The following PGBD1 variants were observed in gnomAD, a reference collection of about 807,000 sequenced individuals.
The protein encoded by PGBD1 is piggyBac transposable element derived 1, also known as piggyBac transposable element-derived protein 1.
In PGBD1, 25 loss-of-function variants were observed where a neutral mutation model predicts 34.7. That is an observed-to-expected ratio of 0.72 (90% CI 0.52 to 1.00). The LOEUF (loss-of-function observed/expected upper bound fraction) is 1.00. Among genes scored for constraint, PGBD1 ranks in the 50% least tolerant of loss-of-function variants. The pLI is 0.00. For synonymous variants in PGBD1, 292 were observed against 335.7 expected (o/e 0.87, Z 1.42); for missense variants, 830 against 959.4 (o/e 0.87, Z 1.78).
At position 28,301,539 on chromosome 6, in the gene PGBD1, A is replaced by G. The variant is rs1358945487; in HGVS notation, c.1685A>G (p.Lys562Arg). 6.2e-7 allele frequency: 1 copy of G among 1,614,080 alleles called. No homozygotes were observed. The highest frequency in any genetic ancestry group is 8.5e-7 in the Non-Finnish European group (1 of 1,180,048). ...GATAGTGACCAATTCCTGAATGGAAAGCCTATTAGAATTGGCTATAAAATT... is the reference window on the plus strand; with the variant it reads ...GATAGTGACCAATTCCTGAATGGAAGGCCTATTAGAATTGGCTATAAAATT... ...CFDSDQFLNG[K>R]PIRIGYKIWC... The change falls in exon 7 of 7, where the codon AAG becomes AGG. Residue 562 changes from lysine to arginine, a missense_variant. By Grantham distance (26) the Lys-to-Arg change is conservative. This residue lies in a region of PGBD1 where 372 missense variants were observed against 427.9 expected (regional missense o/e 0.87). Transcript: ENST00000682144.
chr6:28,296,977 T>C (rs778308454), intron 5 of PGBD1, 32 bp downstream of exon 5: 5 of 1,612,192 alleles, frequency 3.1e-6, no homozygotes, highest in Non-Finnish European at 4.2e-6. Context: ...GACCCCTGTC[T>C]GGACTCTCAT....
intron 4 of PGBD1, among the ~76,000 whole-genome samples, chr6:28,287,622 ATCT>A (rs762545608): frequency 6.6e-6 from 1 of 152,130 alleles, no homozygotes; most frequent in African/African-American, 2.4e-5. Flanking sequence ...AATACTTAAC[ATCT>A]TCTTCACAAA....
Position 28,285,726 on chromosome 6 carries a change from T to G in PGBD1, c.553+19T>G. 6.2e-7 allele frequency: 1 copy of G among 1,607,978 alleles called. No homozygotes were observed. Among genetic ancestry groups the G allele is most frequent in the Non-Finnish European group, 8.5e-7 (1 of 1,177,214 alleles). On this transcript the variant is annotated intron_variant, in intron 3 of 6. Transcript: ENST00000682144. Reference sequence around the variant, plus strand: ...GTGAGTGGTGAGTGCTCGAGTGAGTTTAGTGAGGACGCTGGGAGCTGGCCA... The same window carrying G: ...GTGAGTGGTGAGTGCTCGAGTGAGTGTAGTGAGGACGCTGGGAGCTGGCCA...
chr6:28,291,635 C>T (rs1762455744), intron 4 of PGBD1, among the ~76,000 whole-genome samples: 1 of 150,760 alleles, frequency 6.6e-6, no homozygotes. Context: ...CAAAACTAGA[C>T]TAGGATACAA....
chr6:28,285,932 G>A (rs1376816904), intron 3 of PGBD1, among the ~76,000 whole-genome samples: 1 of 152,184 alleles, frequency 6.6e-6, no homozygotes, highest in Non-Finnish European at 1.5e-5. Context: ...TCAGCATTCT[G>A]TACGTAGGTC....
chr6:28,293,843 C>A (rs1343966128), intron 4 of PGBD1, among the ~76,000 whole-genome samples: 2 of 152,086 alleles, frequency 1.3e-5, no homozygotes, highest in African/African-American at 2.4e-5. Flanking sequence ...TCCTGAGACA[C>A]AATAATATTG....
chr6:28,297,776 T>TTTTG, intron 5 of PGBD1, 119 bp from the exon 6 acceptor site: 1 of 627,754 alleles, frequency 1.6e-6, no homozygotes, highest in Admixed American at 3.2e-5. Flanking sequence ...ATATGATTTG[T>TTTTG]TTTTTGTTTG....
Position 28,302,162 on chromosome 6 carries a change from G to A in PGBD1, c.2308G>A (p.Ala770Thr), listed in dbSNP as rs1348491117. 1.9e-6 allele frequency: 3 copies of A among 1,614,124 alleles called. No homozygotes were observed. The South Asian group carries it at 3.3e-5, about 18-fold the overall frequency. The change falls in exon 7 of 7, where the codon GCC (alanine) becomes ACC (threonine). Residue 770 changes from alanine (A) to threonine (T), a missense_variant. Around this residue, in one of 3 missense-constraint regions of PGBD1, gnomAD observed 372 missense variants for 427.9 expected, o/e 0.87. Coordinates refer to ENST00000682144, the MANE Select transcript of PGBD1 (RefSeq NM_032507.4). ...TTTGGTGAGCTACATGATTGATGTA[G>A]CCATGAACAATGCATGGCAACTACA... The part of the protein sequence containing the change: ...SILVSYMIDV[A>T]MNNAWQLHRA...
intron 1 of PGBD1, among the ~76,000 whole-genome samples, chr6:28,282,145 GGAATTTACCCTTA>G (rs766512845): frequency 2.6e-5 from 4 of 152,198 alleles, no homozygotes; most frequent in Non-Finnish European, 4.4e-5. Flanking sequence ...CTGGGCCTTG[GGAATTTACCCTTA>G]GAAGGGCGGT....
In PGBD1 at chr6:28,283,843, T is replaced by C; in HGVS notation, c.30T>C (p.Pro10=). Residue 10 remains proline, a synonymous_variant, in exon 2 of 7, where the codon CCT becomes CCC. Transcript: ENST00000682144. MYEALPGPA[P]ENEDGLVKVK... ...ATGAAGCTTTGCCAGGCCCTGCTCCTGAAAATGAAGATGGCCTTGTGAAAG... is the reference window on the plus strand; with the variant it reads ...ATGAAGCTTTGCCAGGCCCTGCTCCCGAAAATGAAGATGGCCTTGTGAAAG... The C allele has an allele frequency of 6.2e-7, 1 of 1,607,334 alleles. No individual in the cohort carries two copies. Among genetic ancestry groups the C allele is most frequent in the Non-Finnish European group, 8.5e-7 (1 of 1,174,754 alleles).
At position 28,302,208 on chromosome 6, in the gene PGBD1, C is replaced by A; in HGVS notation, c.2354C>A (p.Ala785Asp). The A allele has an allele frequency of 6.2e-7, 1 of 1,614,148 alleles. No individual in the cohort carries two copies. The highest frequency in any genetic ancestry group is 8.5e-7 in the Non-Finnish European group (1 of 1,180,022). The change falls in exon 7 of 7, where the codon GCT (alanine) becomes GAT (aspartate). Residue 785 changes from alanine to aspartate, a missense_variant. By Grantham distance (126) the Ala-to-Asp change is moderately radical. Around this residue, in one of 3 missense-constraint regions of PGBD1, gnomAD observed 372 missense variants for 427.9 expected, o/e 0.87. Transcript: ENST00000682144. ...CTACACAGAGCCTGTAACCCAGGTG[C>A]TTCTCTAGACCCCTTGGATTTTCGG... ...WQLHRACNPG[A>D]SLDPLDFRRF...
intron 4 of PGBD1, among the ~76,000 whole-genome samples, chr6:28,292,068 A>G (rs1289939573): frequency 1.3e-5 from 2 of 152,214 alleles, no homozygotes; most frequent in Admixed American, 1.3e-4. Context: ...TAATACCCGA[A>G]GTCCTGGCCA....
intron 2 of PGBD1, among the ~76,000 whole-genome samples, chr6:28,284,417 T>G (rs977104508): frequency 3.8e-5 from 4 of 106,644 alleles, no homozygotes; most frequent in Non-Finnish European, 6.6e-5. Flanking sequence ...TACAAGGAAG[T>G]GCATTCCCCC....
chr6:28,292,196 A>C (rs1762478382), intron 4 of PGBD1, among the ~76,000 whole-genome samples: 1 of 152,232 alleles, frequency 6.6e-6, no homozygotes, highest in Non-Finnish European at 1.5e-5. Flanking sequence ...ACTACACCAA[A>C]AAAACTGTTA....
Position 28,297,988 on chromosome 6 carries a change from A to G in PGBD1, c.866A>G (p.Asn289Ser), listed in dbSNP as rs1762711573. 2.5e-6 allele frequency: 4 copies of G among 1,601,002 alleles called. No individual in the cohort carries two copies. The highest frequency in any genetic ancestry group is 1.1e-5 in the South Asian group (1 of 90,492). ...AGTGGAGAAGCCTCAGGAAAGCCCAACAGGTGAGTGTCCATGGTCCTCAGT... is the reference window on the plus strand; with the variant it reads ...AGTGGAGAAGCCTCAGGAAAGCCCAGCAGGTGAGTGTCCATGGTCCTCAGT... The part of the protein sequence containing the change: ...EQSGEASGKP[N>S]RECAPQIPCS... Residue 289 changes from asparagine to serine, a missense_variant, in exon 6 of 7, where the codon AAC (asparagine) becomes AGC (serine). Coordinates refer to ENST00000682144, the MANE Select transcript of PGBD1 (RefSeq NM_032507.4).
chr6:28,281,657 C>A lies in PGBD1; in HGVS notation c.-300C>A. The A allele has an allele frequency of 5.5e-6, 2 of 361,540 alleles. No individual in the cohort carries two copies. 22.4% of individuals were successfully genotyped at this position (361,540 alleles called of 1,614,324 possible). ...CGGGCTCTGGGGAAACCGGCGCTCC[C>A]GACAGGGGAGCACCGGGCCTCTGAG... On this transcript the variant is annotated 5_prime_UTR_variant, in exon 1 of 7. Transcript: ENST00000682144.
chr6:28,287,417 G>A (rs1294727637), intron 4 of PGBD1, among the ~76,000 whole-genome samples: 7 of 152,202 alleles, frequency 4.6e-5, no homozygotes, highest in Admixed American at 4.6e-4. Flanking sequence ...GCATGGGAGT[G>A]AGGGGTGGAG....
chr6:28,293,458 T>A (rs1001769562), intron 4 of PGBD1, among the ~76,000 whole-genome samples: 1 of 152,206 alleles, frequency 6.6e-6, no homozygotes, highest in African/African-American at 2.4e-5. Flanking sequence ...ATACACTTCC[T>A]TCATTGTGTT....
At chr6:28,295,358 G>A (rs1762595828) in intron 4 of PGBD1, among the ~76,000 whole-genome samples, 2 of 152,214 alleles carry the variant, frequency 1.3e-5, no homozygotes, top group Non-Finnish European at 2.9e-5. Flanking sequence ...AGCAGCAGCA[G>A]GTTTGAGATG....
Sources: allele counts gnomAD v4.1 joint callset (sites outside exome capture counted in the v4.1 genomes callset), GRCh38; gene constraint gnomAD v4.1.1; regional missense constraint gnomAD v4.1.1; transcripts MANE v1.5; gene names NCBI Gene and HGNC (gene_info 2026-07-23, HGNC 2026-07-21).